AKT3: variants seen among roughly 807,000 people sequenced by gnomAD.
The protein encoded by AKT3 is AKT serine/threonine kinase 3, also known as RAC-gamma serine/threonine-protein kinase.
Under a neutral mutation model 65.3 loss-of-function variants are expected in AKT3, and 15 were observed. The ratio of observed to expected loss-of-function variants is 0.23; its 90% CI spans 0.15 to 0.35. The LOEUF (loss-of-function observed/expected upper bound fraction) is 0.35. AKT3 is among the 10% of genes least tolerant of loss of function. The pLI, the probability that AKT3 is intolerant of heterozygous loss-of-function variation, is 1.00. For synonymous variants in AKT3, 206 were observed against 183.8 expected (o/e 1.12, Z -0.98); for missense variants, 243 against 576.5 (o/e 0.42, Z 5.92).
intron 2 of AKT3, among the ~76,000 whole-genome samples, chr1:243,805,782 G>A (rs1692686824): frequency 6.6e-6 from 1 of 152,064 alleles, no homozygotes; most frequent in African/African-American, 2.4e-5. Context: ...CTCATTCCCT[G>A]TTAGTAAAGT....
chr1:243,607,237 G>C (rs1280164817), intron 8 of AKT3, among the ~76,000 whole-genome samples: 1 of 152,200 alleles, frequency 6.6e-6, no homozygotes, highest in Non-Finnish European at 1.5e-5. Context: ...CTGACAGCTT[G>C]CACAGTGCAC....
intron 12 of AKT3, among the ~76,000 whole-genome samples, chr1:243,542,357 T>C (rs763280887): frequency 3.9e-5 from 6 of 152,214 alleles, no homozygotes; most frequent in Admixed American, 2.6e-4. Flanking sequence ...TGTTCTTTCA[T>C]GTTTTGATAC....
intron 2 of AKT3, among the ~76,000 whole-genome samples, chr1:243,732,601 AAAAT>A (rs911572031): frequency 3.3e-5 from 5 of 152,248 alleles, no homozygotes; most frequent in African/African-American, 1.2e-4. Context: ...CATGTTGAGA[AAAAT>A]AAGTAATAAA....
At chr1:243,849,175 C>A (rs1695641040) in intron 1 of AKT3, among the ~76,000 whole-genome samples, 1 of 152,192 alleles carries the variant, frequency 6.6e-6, no homozygotes, top group Non-Finnish European at 1.5e-5. Flanking sequence ...CTGATGCGGA[C>A]CGATGCGCCG....
chr1:243,590,713 G>A (rs920700824), intron 8 of AKT3, among the ~76,000 whole-genome samples: 26 of 152,264 alleles, frequency 1.7e-4, no homozygotes, highest in African/African-American at 5.5e-4. Flanking sequence ...ACTTCTGAAT[G>A]TGAAATCATA....
intron 12 of AKT3, among the ~76,000 whole-genome samples, chr1:243,527,940 G>C (rs12062182): frequency 3.6e-3 from 346 of 95,324 alleles, no homozygotes; most frequent in African/African-American, 8.4e-3. Flanking sequence ...CACACACAGA[G>C]AGAGAGAGAG....
At chr1:243,595,074 T>C (rs1199398093) in intron 8 of AKT3, among the ~76,000 whole-genome samples, 1 of 152,228 alleles carries the variant, frequency 6.6e-6, no homozygotes, top group Non-Finnish European at 1.5e-5. Flanking sequence ...GGATACATTC[T>C]GAGAAATGTG....
chr1:243,522,931 A>C (rs1035361013), intron 12 of AKT3, among the ~76,000 whole-genome samples: 10 of 152,256 alleles, frequency 6.6e-5, no homozygotes, highest in African/African-American at 2.4e-4. Context: ...TGACAGCCAC[A>C]GCCACTCTCT....
chr1:243,719,072 T>C (rs1278589957), intron 2 of AKT3, among the ~76,000 whole-genome samples: 1 of 152,192 alleles, frequency 6.6e-6, no homozygotes, highest in Non-Finnish European at 1.5e-5. Context: ...AAACAAGATA[T>C]ATAAGGTATG....
At chr1:243,558,354 T>C (rs1341543600) in intron 10 of AKT3, among the ~76,000 whole-genome samples, 1 of 152,002 alleles carries the variant, frequency 6.6e-6, no homozygotes, top group Admixed American at 6.6e-5. Context: ...TGTATCAAAA[T>C]AGTTGTCAAA....
At chr1:243,686,549 T>G (rs1023549511) in intron 3 of AKT3, among the ~76,000 whole-genome samples, 29 of 145,800 alleles carry the variant, frequency 2.0e-4, no homozygotes, top group African/African-American at 6.6e-4. Context: ...GATTGCCAGT[T>G]AATTCAGCAA....
chr1:243,640,504 C>T (rs937487802), intron 5 of AKT3, among the ~76,000 whole-genome samples: 42 of 152,254 alleles, frequency 2.8e-4, no homozygotes, highest in African/African-American at 8.4e-4. Context: ...GCAGTTTATG[C>T]GTTCTCTCTC....
intron 4 of AKT3, among the ~76,000 whole-genome samples, chr1:243,656,350 A>C (rs949673039): frequency 3.3e-5 from 5 of 152,184 alleles, no homozygotes; most frequent in Admixed American, 3.3e-4. Context: ...TTAAATGTCT[A>C]ATACATGTGT....
chr1:243,798,302 C>G (rs532229318), intron 2 of AKT3, among the ~76,000 whole-genome samples: 2 of 150,230 alleles, frequency 1.3e-5, no homozygotes, highest in African/African-American at 4.9e-5. Context: ...AGCCTGACCT[C>G]CTGGACTCAA....
At chr1:243,660,689 T>C (rs957183875) in intron 4 of AKT3, among the ~76,000 whole-genome samples, 5 of 152,164 alleles carry the variant, frequency 3.3e-5, no homozygotes, top group South Asian at 2.1e-4. Flanking sequence ...CTGTTCAACA[T>C]AGTGTTGGAA....
intron 6 of AKT3, among the ~76,000 whole-genome samples, chr1:243,616,494 T>C (rs1678333841): frequency 1.3e-5 from 2 of 152,080 alleles, no homozygotes; most frequent in African/African-American, 4.8e-5. Context: ...GAGATAATGT[T>C]TCATATTTCA....
downstream of AKT3, among the ~76,000 whole-genome samples, chr1:243,498,243 G>GGTGGCAGTCTCCGTGCTGTCA (rs1362270095): frequency 6.6e-6 from 1 of 152,206 alleles, no homozygotes; most frequent in Admixed American, 6.5e-5. Context: ...AGATCGTGTT[G>GGTGGCAGTCTCCGTGCTGTCA]GTGGCAGTCT....
chr1:243,746,157 T>G (rs1379201838), intron 2 of AKT3, among the ~76,000 whole-genome samples: 1 of 152,192 alleles, frequency 6.6e-6, no homozygotes, highest in Non-Finnish European at 1.5e-5. Context: ...TTTACTAAAC[T>G]CAAACATAGG....
At chr1:243,592,150 A>G (rs781259664) in intron 8 of AKT3, among the ~76,000 whole-genome samples, 2 of 152,138 alleles carry the variant, frequency 1.3e-5, no homozygotes, top group Non-Finnish European at 2.9e-5. Flanking sequence ...CCTGGCTAAC[A>G]TGGTGAAACC....
Sources: allele counts gnomAD v4.1 joint callset (sites outside exome capture counted in the v4.1 genomes callset), GRCh38; gene constraint gnomAD v4.1.1; transcripts MANE v1.5; gene names NCBI Gene and HGNC (gene_info 2026-07-23, HGNC 2026-07-21).